Variants in ZSCAN9 observed in about 807,000 individuals in gnomAD.
ZSCAN9 encodes the protein zinc finger and SCAN domain containing 9.
A neutral mutation model predicts 23.0 loss-of-function variants in ZSCAN9; 19 were observed. The ratio of observed to expected loss-of-function variants is 0.83; its 90% CI spans 0.58 to 1.21. The LOEUF (loss-of-function observed/expected upper bound fraction) is 1.21. Among genes scored for constraint, ZSCAN9 ranks in the 50% most tolerant of loss-of-function variants. ZSCAN9 has a pLI of 0.00. For synonymous variants in ZSCAN9, 155 were observed against 164.8 expected, an observed-to-expected ratio of 0.94 and a Z score of 0.46; for missense variants, 467 against 471.5, an observed-to-expected ratio of 0.99 and a Z score of 0.09.
chr6:28,231,923 A>G (rs566990742), intron 3 of ZSCAN9, among the ~76,000 whole-genome samples: 1 of 152,332 alleles, frequency 6.6e-6, no homozygotes, highest in Non-Finnish European at 1.5e-5. Context: ...TACATGAAGT[A>G]ACTTTCCTTG....
intron 1 of ZSCAN9, chr6:28,226,793 T>A (rs1760125947): frequency 7.4e-5 from 14 of 189,884 alleles, no homozygotes; most frequent in Middle Eastern, 4.4e-3. Context: ...ATTCCCCATT[T>A]AAAAAAAAAA....
intron 1 of ZSCAN9, among the ~76,000 whole-genome samples, chr6:28,225,779 C>T (rs962123351): frequency 1.3e-5 from 2 of 152,162 alleles, no homozygotes; most frequent in African/African-American, 4.8e-5. Flanking sequence ...TAGCAGTTCC[C>T]GATTCCCTTT....
Position 28,227,509 on chromosome 6 carries a change from G to A in ZSCAN9, c.420+5G>A. 1 of 1,580,602 alleles carries A rather than the reference G, an allele frequency of 6.3e-7. No homozygotes were observed. The highest frequency in any genetic ancestry group is 8.6e-7 in the Non-Finnish European group (1 of 1,166,572). On this transcript the variant is annotated splice_donor_5th_base_variant and intron_variant, in intron 2 of 3. Coordinates refer to ENST00000252207, the MANE Select transcript of ZSCAN9 (RefSeq NM_006299.5). ...CTCGATGAACCACAACATGAGGTAG[G>A]AAGGGAGATTTGCTAGAGAAAAATG...
rs765007444 is a variant in ZSCAN9 at position 28,227,922 on chromosome 6, G to A, written c.568+85G>A. The A allele has an allele frequency of 2.0e-6, 3 of 1,493,994 alleles. No homozygotes were observed. The African/African-American group carries it at 4.1e-5, about 21-fold the overall frequency. The allele number at this position is 1,493,994 out of a possible 1,614,324, so 92.5% of individuals were successfully genotyped here. A position where few individuals can be genotyped will look rare whatever the true frequency, so the allele number is the denominator to read the frequency against. ...AATAAACCCAGAGCTGGGAAAACAG[G>A]AGACCCAAAGACTCCTTACCAGATA... On this transcript the variant is annotated intron_variant, in intron 3 of 3. Coordinates refer to ENST00000252207, the MANE Select transcript of ZSCAN9 (RefSeq NM_006299.5).
chr6:28,232,810 C>T lies in ZSCAN9; in HGVS notation c.817C>T (p.Gln273Ter), dbSNP rs147858031. ...FTQSSGLIRH[Q>*]RIHTGERPYE... ...TCAGAGCTCAGGTCTCATTCGACATCAAAGAATTCATACTGGAGAAAGACC... is the reference window on the plus strand; with the variant it reads ...TCAGAGCTCAGGTCTCATTCGACATTAAAGAATTCATACTGGAGAAAGACC... Residue 273 changes from glutamine to a stop codon, truncating the protein, a stop_gained, in exon 4 of 4, where the codon CAA (glutamine) becomes TAA (stop). Coordinates refer to ENST00000252207, the MANE Select transcript of ZSCAN9 (RefSeq NM_006299.5). LOFTEE classifies it low-confidence loss of function (END_TRUNC). The T allele has an allele frequency of 5.6e-6, 9 of 1,614,034 alleles. No homozygotes were observed. In the African/African-American group the frequency reaches 1.2e-4, roughly 22 times the overall value.
At chr6:28,231,668 C>T (rs935120892) in intron 3 of ZSCAN9, among the ~76,000 whole-genome samples, 2 of 151,064 alleles carry the variant, frequency 1.3e-5, no homozygotes, top group African/African-American at 2.4e-5. Flanking sequence ...GCAGGAGAAT[C>T]GCTTGAATCC....
intron 3 of ZSCAN9, chr6:28,228,718 A>G (rs541529585): frequency 6.5e-6 from 1 of 154,588 alleles, no homozygotes; most frequent in Non-Finnish European, 1.5e-5. Context: ...GTCACAAATC[A>G]CCAGTGCCAC....
chr6:28,227,380 A>C lies in ZSCAN9; in HGVS notation c.296A>C (p.Gln99Pro). The change falls in exon 2 of 4, where the codon CAG becomes CCG. Residue 99 changes from glutamine to proline, a missense_variant. Physicochemically the swap from Gln to Pro is moderately conservative, Grantham distance 76. Transcript: ENST00000252207. ...EQILDLLVLE[Q>P]FLSILPKELQ... ...ATTTTGGATCTGCTGGTGCTGGAGC[A>C]GTTTCTATCCATTCTGCCCAAGGAG... The C allele has an allele frequency of 6.2e-7, 1 of 1,614,208 alleles. No homozygotes were observed. Among genetic ancestry groups the C allele is most frequent in the Non-Finnish European group, 8.5e-7 (1 of 1,180,040 alleles).
chr6:28,232,330 C>A (rs758055865), intron 3 of ZSCAN9, among the ~76,000 whole-genome samples: 15 of 148,746 alleles, frequency 1.0e-4, no homozygotes, highest in Non-Finnish European at 2.1e-4. Flanking sequence ...CACTCTGGCT[C>A]AAAAAACAAA....
chr6:28,233,356 G>T lies in ZSCAN9; in HGVS notation c.*178G>T. On this transcript the variant is annotated 3_prime_UTR_variant, in exon 4 of 4. Coordinates refer to ENST00000252207, the MANE Select transcript of ZSCAN9 (RefSeq NM_006299.5). ...GTTTGAAGCTACTGTTTTCTCTTTT[G>T]TTCATTTTACCTCTTTCTTACTCTT... is the stretch of plus-strand genomic sequence containing the variant. 1 of 1,151,418 alleles carries T rather than the reference G, an allele frequency of 8.7e-7. No individual in the cohort carries two copies. The highest frequency in any genetic ancestry group is 2.6e-5 in the East Asian group (1 of 38,480). The allele number at this position is 1,151,418 out of a possible 1,614,324, so 71.3% of individuals were successfully genotyped here.
Position 28,233,443 on chromosome 6 carries a change from CTAA to C in ZSCAN9, c.*271_*273del. ...TTTTTGAGATGGCTGCTAAACCCTTCTAATAATATAATAAATGGCACTGCCACA... is the reference window on the plus strand; with the variant it reads ...TTTTTGAGATGGCTGCTAAACCCTTCTAATATAATAAATGGCACTGCCACA... On this transcript the variant is annotated 3_prime_UTR_variant, in exon 4 of 4. Coordinates refer to ENST00000252207, the MANE Select transcript of ZSCAN9 (RefSeq NM_006299.5). 1 of 379,412 alleles carries C rather than the reference CTAA, an allele frequency of 2.6e-6. No homozygotes were observed. The highest frequency in any genetic ancestry group is 4.5e-6 in the Non-Finnish European group (1 of 223,506). The allele number at this position is 379,412 out of a possible 1,614,324, so 23.5% of individuals were successfully genotyped here.
intron 3 of ZSCAN9, among the ~76,000 whole-genome samples, chr6:28,229,781 T>C (rs1446964118): frequency 3.3e-5 from 5 of 152,192 alleles, no homozygotes; most frequent in Admixed American, 3.3e-4. Flanking sequence ...GTAGCTACTC[T>C]TGTCACTTTG....
chr6:28,233,423 G>T lies in ZSCAN9; in HGVS notation c.*245G>T, dbSNP rs1025469437. On this transcript the variant is annotated 3_prime_UTR_variant, in exon 4 of 4. Transcript: ENST00000252207. ...TTATTTATAATTTATTTATTTTTTTGAGATGGCTGCTAAACCCTTCTAATA... is the reference window on the plus strand; with the variant it reads ...TTATTTATAATTTATTTATTTTTTTTAGATGGCTGCTAAACCCTTCTAATA... 1.3e-4 allele frequency: 66 copies of T among 489,428 alleles called. No homozygotes were observed. The Middle Eastern group carries it at 1.7e-3, about 13-fold the overall frequency. 30.3% of individuals were successfully genotyped at this position (489,428 alleles called of 1,614,324 possible). A position where few individuals can be genotyped will look rare whatever the true frequency, so the allele number is the denominator to read the frequency against.
At chr6:28,229,860 C>CT (rs754834015) in intron 3 of ZSCAN9, among the ~76,000 whole-genome samples, 5,096 of 140,516 alleles carry the variant, frequency 0.036, 126 homozygotes, top group Non-Finnish European at 0.056. Context: ...CCATATTTTT[C>CT]TTTTTTTTTT....
Position 28,227,284 on chromosome 6 carries a change from G to A in ZSCAN9, c.200G>A (p.Arg67Lys). 1 of 1,614,188 alleles carries A rather than the reference G, an allele frequency of 6.2e-7. No individual in the cohort carries two copies. The highest frequency in any genetic ancestry group is 8.5e-7 in the Non-Finnish European group (1 of 1,180,028). ...QLCYQETPGP[R>K]EALTRLQELC... is the part of the protein sequence containing the mutation. ...TGCTACCAAGAGACCCCTGGACCAAGGGAGGCTCTTACTCGACTCCAGGAA... is the reference window on the plus strand; with the variant it reads ...TGCTACCAAGAGACCCCTGGACCAAAGGAGGCTCTTACTCGACTCCAGGAA... Residue 67 changes from arginine to lysine, a missense_variant, in exon 2 of 4, where the codon AGG becomes AAG. Coordinates refer to ENST00000252207, the MANE Select transcript of ZSCAN9 (RefSeq NM_006299.5).
chr6:28,230,268 TG>T, intron 3 of ZSCAN9: 1 of 1,352,034 alleles, frequency 7.4e-7, no homozygotes, highest in Non-Finnish European at 9.8e-7. Flanking sequence ...GTTGTATAAA[TG>T]GTAATCATTA....
intron 3 of ZSCAN9, chr6:28,228,676 G>A (rs17776284): frequency 0.051 from 7,914 of 154,518 alleles, 245 homozygotes; most frequent in South Asian, 0.099. Flanking sequence ...AAAGCACTTG[G>A]CATGCATTAT....
intron 3 of ZSCAN9, chr6:28,230,543 A>T (rs927109785): frequency 1.8e-4 from 273 of 1,505,886 alleles, no homozygotes; most frequent in South Asian, 3.9e-4. Flanking sequence ...GAAAGAGGCA[A>T]ATATTTTGGT....
Position 28,232,847 on chromosome 6 carries a change from A to G in ZSCAN9, c.854A>G (p.Asn285Ser), listed in dbSNP as rs1760358242. Residue 285 changes from asparagine to serine, a missense_variant, in exon 4 of 4, where the codon AAT (asparagine) becomes AGT (serine). Transcript: ENST00000252207. ...ACTGGAGAAAGACCTTATGAATGTAATGAATGTGGGAAAGCCTTCAGTCGA... is the reference window on the plus strand; with the variant it reads ...ACTGGAGAAAGACCTTATGAATGTAGTGAATGTGGGAAAGCCTTCAGTCGA... ...IHTGERPYEC[N>S]ECGKAFSRSS... 6.2e-7 allele frequency: 1 copy of G among 1,614,096 alleles called. No individual in the cohort carries two copies. The highest frequency in any genetic ancestry group is 1.7e-5 in the Admixed American group (1 of 60,008).
Sources: gnomAD v4.1 joint callset for allele counts (sites outside exome capture counted in the v4.1 genomes callset) on GRCh38, gnomAD v4.1.1 for gene constraint, MANE v1.5 for transcripts, NCBI Gene and HGNC (gene_info 2026-07-23, HGNC 2026-07-21) for gene names.